Variants in SPTB observed in about 807,000 individuals in gnomAD.
The protein encoded by SPTB is spectrin beta, erythrocytic, also known as spectrin beta chain, erythrocytic.
A neutral mutation model predicts 256.2 loss-of-function variants in SPTB; 45 were observed. The observed-to-expected ratio is 0.18, with a 90% CI of 0.14 to 0.23. SPTB has a LOEUF of 0.23. SPTB is among the 10% of genes least tolerant of loss of function. SPTB has a pLI of 1.00. For synonymous variants in SPTB, 1,231 were observed against 1,243.1 expected (o/e 0.99, Z 0.21); for missense variants, 2,715 against 3,040.4 (o/e 0.89, Z 2.52).
At chr14:64,784,207 T>C (rs764175343) in intron 19 of SPTB, 40 bp downstream of exon 19, 1 of 1,613,448 alleles carries the variant, frequency 6.2e-7, no homozygotes, top group East Asian at 2.2e-5. Context: ...CAAGCCTATC[T>C]GAGCAGAGCA....
chr14:64,776,788 T>C (rs1432834475), intron 22 of SPTB, among the ~76,000 whole-genome samples: 1 of 152,236 alleles, frequency 6.6e-6, no homozygotes, highest in Non-Finnish European at 1.5e-5. Flanking sequence ...CTAGTATCTG[T>C]GCAGGGTACT....
rs1053920309 is a variant in SPTB, at chr14:64,852,959, C to T, written c.-52+26833G>A. On this transcript the variant is annotated intron_variant, in intron 1 of 35. Coordinates refer to ENST00000644917, the MANE Select transcript of SPTB (RefSeq NM_001355436.2). The surrounding 1 kb of genome is among the most constrained non-coding windows in gnomAD (Gnocchi z 4.2). ...ACATTGCAGAGTGCTGCCGAGGAGACGTATAGGTACTAGGCAAGCATTAAC... is the reference window on the plus strand; with the variant it reads ...ACATTGCAGAGTGCTGCCGAGGAGATGTATAGGTACTAGGCAAGCATTAAC... 4.6e-5 allele frequency among the ~76,000 whole-genome samples: 7 copies of T among 152,114 alleles called. No individual in the cohort carries two copies. Among genetic ancestry groups the T allele is most frequent in the African/African-American group, 1.4e-4 (6 of 41,402 alleles).
Position 64,779,928 on chromosome 14 carries a change from C to T in SPTB, c.4270G>A (p.Val1424Met). The T allele has an allele frequency of 6.2e-7, 1 of 1,613,802 alleles. No individual in the cohort carries two copies. The highest frequency in any genetic ancestry group is 8.5e-7 in the Non-Finnish European group (1 of 1,179,826). The change falls in exon 21 of 36, where the codon GTG becomes ATG. Residue 1424 changes from valine (V) to methionine (M), a missense_variant. Val to Met is a conservative substitution (Grantham distance 21). Coordinates refer to ENST00000644917, the MANE Select transcript of SPTB (RefSeq NM_001355436.2). This position sits in a 1 kb window ranked among gnomAD's most constrained non-coding sequence, Gnocchi z 4.2. ...TTTCGCACATTCACTTGGTCCTCCA[C>T]TCGCTGAGACACAAGGGGACGGTGT... is the stretch of plus-strand genomic sequence containing the variant. ...VNRMLAKLKR[V>M]EDQVNVRKEE...
At position 64,753,534 on chromosome 14, in the gene SPTB, C is replaced by T. The variant is rs375291013; in HGVS notation, c.6602+3G>A. The T allele has an allele frequency of 1.5e-4, 237 of 1,613,324 alleles. No homozygotes were observed. The highest frequency in any genetic ancestry group is 3.2e-4 in the South Asian group (29 of 91,086). ...CTCAGCCAGCAGCCTCTCCCGCACT[C>T]ACCTGTTGGAAGCCTTCTTGTTGGG... On this transcript the variant is annotated splice_donor_region_variant and intron_variant, in intron 33 of 35. Coordinates refer to ENST00000644917, the MANE Select transcript of SPTB (RefSeq NM_001355436.2).
In SPTB at chr14:64,792,428, G is replaced by A. The variant is rs1489809271; in HGVS notation, c.2666+569C>T. Among the ~76,000 whole-genome samples the A allele has an allele frequency of 6.6e-6, 1 of 152,224 alleles. No individual in the cohort carries two copies. Among genetic ancestry groups the A allele is most frequent in the Non-Finnish European group, 1.5e-5 (1 of 68,030 alleles). On this transcript the variant is annotated intron_variant, in intron 14 of 35. Coordinates refer to ENST00000644917, the MANE Select transcript of SPTB (RefSeq NM_001355436.2). This position sits in a 1 kb window ranked among gnomAD's most constrained non-coding sequence, Gnocchi z 4.2. ...GCAGCACCACCTTGGCACTGTTCCA[G>A]AGAGCGGCCTCTCCTTCTCCTGACT...
rs142550439 is a variant in SPTB at position 64,793,548 on chromosome 14, C to T, written c.2115G>A (p.Ala705=). The T allele has an allele frequency of 3.7e-4, 593 of 1,614,182 alleles. No homozygotes were observed. The highest frequency in any genetic ancestry group is 1.4e-3 in the African/African-American group (102 of 75,054). ...QIFQEAHGMV[A]RKQFGHPQIE... ...TCTGCGGGTGCCCAAACTGCTTGCG[C>T]GCAACCATGCCATGAGCCTCCTGGA... The change falls in exon 14 of 36, where the codon GCG becomes GCA. Residue 705 remains alanine (A), a synonymous_variant. Coordinates refer to ENST00000644917, the MANE Select transcript of SPTB (RefSeq NM_001355436.2). This position sits in a 1 kb window ranked among gnomAD's most constrained non-coding sequence, Gnocchi z 7.0.
chr14:64,866,336 T>C lies in SPTB; in HGVS notation c.-52+13456A>G, dbSNP rs906080139. Among the ~76,000 whole-genome samples, 3 of 152,300 alleles carry C rather than the reference T, an allele frequency of 2.0e-5. No individual in the cohort carries two copies. Among genetic ancestry groups the C allele is most frequent in the African/African-American group, 7.2e-5 (3 of 41,558 alleles). On this transcript the variant is annotated intron_variant, in intron 1 of 35. Coordinates refer to ENST00000644917, the MANE Select transcript of SPTB (RefSeq NM_001355436.2). This position sits in a 1 kb window ranked among gnomAD's most constrained non-coding sequence, Gnocchi z 4.6. ...CCTCAGGACACCCGTAAGAGCTCAATGGGGTCTTCAGTTGTCTTGGCCAAG... is the reference window on the plus strand; with the variant it reads ...CCTCAGGACACCCGTAAGAGCTCAACGGGGTCTTCAGTTGTCTTGGCCAAG...
At chr14:64,843,271 C>T (rs1338201307) in intron 1 of SPTB, among the ~76,000 whole-genome samples, 3 of 152,186 alleles carry the variant, frequency 2.0e-5, no homozygotes, top group South Asian at 2.1e-4. Flanking sequence ...GGAGAAGACA[C>T]GCAGAGGCAA....
rs776051162 is a variant in SPTB, at chr14:64,775,214, C to T, written c.4753G>A (p.Glu1585Lys). Residue 1585 changes from glutamate to lysine, a missense_variant, in exon 23 of 36, where the codon GAG (glutamate) becomes AAG (lysine). Physicochemically the swap from Glu to Lys is moderately conservative, Grantham distance 56. Transcript: ENST00000644917. This position sits in a 1 kb window ranked among gnomAD's most constrained non-coding sequence, Gnocchi z 5.0. ...GCATCCAGGTAGTACTGCTGTGCCTCGTTGGCGTCCCTCAGTCGCTGCAGC... is the reference window on the plus strand; with the variant it reads ...GCATCCAGGTAGTACTGCTGTGCCTTGTTGGCGTCCCTCAGTCGCTGCAGC... ...GRLQRLRDANEAQQYYLDADE... is the reference protein window; with the variant it reads ...GRLQRLRDANKAQQYYLDADE... 8.7e-6 allele frequency: 14 copies of T among 1,613,884 alleles called. No individual in the cohort carries two copies. Among genetic ancestry groups the T allele is most frequent in the Middle Eastern group, 1.6e-4 (1 of 6,062 alleles).
intron 2 of SPTB, among the ~76,000 whole-genome samples, chr14:64,813,348 A>G (rs753561803): frequency 6.6e-6 from 1 of 152,178 alleles, no homozygotes; most frequent in Non-Finnish European, 1.5e-5. Flanking sequence ...TCAGAAAGAT[A>G]AGTAGGAGCC....
In SPTB at chr14:64,753,793, C is replaced by G; in HGVS notation, c.6346G>C (p.Gly2116Arg). Residue 2116 changes from glycine to arginine, a missense_variant and splice_region_variant, in exon 33 of 36, where the codon GGG (glycine) becomes CGG (arginine). Physicochemically the swap from Gly to Arg is moderately radical, Grantham distance 125 (BLOSUM62 -2). This residue lies in a region of SPTB where 2,239 missense variants were observed against 2,384.4 expected (regional missense o/e 0.94). Coordinates refer to ENST00000644917, the MANE Select transcript of SPTB (RefSeq NM_001355436.2). ...HHAATERTSP[G>R]EEEGTWPQNL... is the part of the protein sequence containing the mutation. ...TGAGGCCACGTTCCCTCTTCTTCCC[C>G]CTGCTCAGGGCATAGGGAGGAGCAC... 1 of 1,612,828 alleles carries G rather than the reference C, an allele frequency of 6.2e-7. No individual in the cohort carries two copies. Among genetic ancestry groups the G allele is most frequent in the Non-Finnish European group, 8.5e-7 (1 of 1,180,022 alleles).
At chr14:64,840,881 TA>T (rs1291395308) in intron 1 of SPTB, among the ~76,000 whole-genome samples, 1 of 152,232 alleles carries the variant, frequency 6.6e-6, no homozygotes, top group Non-Finnish European at 1.5e-5. Flanking sequence ...AGTACCATTA[TA>T]AACATCAATT....
Position 64,807,574 on chromosome 14 carries a change from T to C in SPTB, c.149-2484A>G, listed in dbSNP as rs564441022. 4.6e-5 allele frequency among the ~76,000 whole-genome samples: 7 copies of C among 152,280 alleles called. No homozygotes were observed. Among genetic ancestry groups the C allele is most frequent in the African/African-American group, 1.4e-4 (6 of 41,538 alleles). On this transcript the variant is annotated intron_variant, in intron 2 of 35. Transcript: ENST00000644917. The surrounding 1 kb of genome is among the most constrained non-coding windows in gnomAD (Gnocchi z 4.7). Reference sequence around the variant, plus strand: ...CCCAGAGCCCCAAAACGCTTTGCAATGTTGAGACACAGAAAGATTTCGAGA... The same window carrying C: ...CCCAGAGCCCCAAAACGCTTTGCAACGTTGAGACACAGAAAGATTTCGAGA...
chr14:64,776,428 G>A (rs2082357129), intron 22 of SPTB, among the ~76,000 whole-genome samples: 1 of 152,094 alleles, frequency 6.6e-6, no homozygotes, highest in African/African-American at 2.4e-5. Flanking sequence ...TATGACCTCT[G>A]CATGGTGCCC....
rs369582874 is a variant in SPTB at position 64,784,224 on chromosome 14, C to T, written c.4002+23G>A. On this transcript the variant is annotated intron_variant, in intron 19 of 35. Coordinates refer to ENST00000644917, the MANE Select transcript of SPTB (RefSeq NM_001355436.2). ...AGCCTATCTGAGCAGAGCACCCACC[C>T]GCCGCCCAATCACTTTACTTACCGC... 40 of 1,613,854 alleles carry T rather than the reference C, an allele frequency of 2.5e-5. No homozygotes were observed. The highest frequency in any genetic ancestry group is 2.0e-4 in the South Asian group (18 of 91,038).
At position 64,799,926 on chromosome 14, in the gene SPTB, G is replaced by T. The variant is rs771520744; in HGVS notation, c.885C>A (p.Asp295Glu). 3 of 1,614,212 alleles carry T rather than the reference G, an allele frequency of 1.9e-6. No individual in the cohort carries two copies. The highest frequency in any genetic ancestry group is 2.5e-6 in the Non-Finnish European group (3 of 1,180,042). Reference sequence around the variant, plus strand: ...TCATCTTCTCAGTCTCAATGGCATGGTCAATAACCTAAGGAATCATCTTCT... The same window carrying T: ...TCATCTTCTCAGTCTCAATGGCATGTTCAATAACCTAAGGAATCATCTTCT... The part of the protein sequence containing the change: ...VEGKRVGKVI[D>E]HAIETEKMIE... Residue 295 changes from aspartate to glutamate, a missense_variant, in exon 9 of 36, where the codon GAC becomes GAA. By Grantham distance (45) the Asp-to-Glu change is conservative. Around this residue, in one of 4 missense-constraint regions of SPTB, gnomAD observed 416 missense variants for 571.1 expected, o/e 0.73. Transcript: ENST00000644917.
At chr14:64,822,374 T>TCACACACACACACACACACACACACA in intron 2 of SPTB, among the ~76,000 whole-genome samples, 1 of 1,016 alleles carries the variant, frequency 9.8e-4, no homozygotes, top group Admixed American at 0.023. Flanking sequence ...TCTCTCTCTC[T>TCACACACACACACACACACACACACA]CACACACACA....
At chr14:64,850,985 T>C (rs1411290841) in intron 1 of SPTB, among the ~76,000 whole-genome samples, 1 of 152,236 alleles carries the variant, frequency 6.6e-6, no homozygotes, top group African/African-American at 2.4e-5. Flanking sequence ...TCTATGTACA[T>C]GTCACATTCT....
intron 2 of SPTB, among the ~76,000 whole-genome samples, chr14:64,805,928 C>A (rs1243403488): frequency 6.6e-6 from 1 of 152,070 alleles, no homozygotes; most frequent in Non-Finnish European, 1.5e-5. Context: ...CTTTCTCAGC[C>A]CTGGGAAGGT....
Sources: allele counts gnomAD v4.1 joint callset (sites outside exome capture counted in the v4.1 genomes callset), GRCh38; gene constraint gnomAD v4.1.1; regional missense constraint gnomAD v4.1.1; non-coding constraint Gnocchi (gnomAD v3.1); transcripts MANE v1.5; gene names NCBI Gene and HGNC (gene_info 2026-07-23, HGNC 2026-07-21).